PTPRB: variants seen among roughly 807,000 people sequenced by gnomAD.
PTPRB encodes the protein protein tyrosine phosphatase receptor type B.
PTPRB carries 97 observed loss-of-function variants against 238.1 expected under a neutral mutation model. The ratio of observed to expected loss-of-function variants is 0.41; its 90% CI spans 0.35 to 0.48. The LOEUF (loss-of-function observed/expected upper bound fraction) is 0.48, where lower values mean the gene tolerates loss of function less well. PTPRB is among the 20% of genes least tolerant of loss of function. The pLI is 0.30. For missense variants in PTPRB, 2,292 were observed against 2,681.9 expected (o/e 0.85, Z 3.21); for synonymous variants, 970 against 995.4 (o/e 0.97, Z 0.48).
At chr12:70,625,390 T>C (rs150089334) in intron 2 of PTPRB, among the ~76,000 whole-genome samples, 1 of 152,134 alleles carries the variant, frequency 6.6e-6, no homozygotes, top group Non-Finnish European at 1.5e-5. Context: ...TTATAACAAG[T>C]TTCTCAGGTG....
intron 4 of PTPRB, among the ~76,000 whole-genome samples, chr12:70,605,451 C>T (rs745904935): frequency 1.3e-4 from 20 of 152,184 alleles, no homozygotes; most frequent in Admixed American, 4.6e-4. Context: ...ATTTACGGAA[C>T]ACCTACCATG....
chr12:70,556,025 T>C lies in PTPRB; in HGVS notation c.4838A>G (p.Gln1613Arg). 1 of 1,613,980 alleles carries C rather than the reference T, an allele frequency of 6.2e-7. No homozygotes were observed. The highest frequency in any genetic ancestry group is 8.5e-7 in the Non-Finnish European group (1 of 1,179,876). Residue 1613 changes from glutamine (Q) to arginine (R), a missense_variant, in exon 19 of 34, where the codon CAA becomes CGA. Gln to Arg is a conservative substitution (Grantham distance 43). Coordinates refer to ENST00000334414, the MANE Select transcript of PTPRB (RefSeq NM_001109754.4). Reference sequence around the variant, plus strand: ...CAGCTTTCTGGAAAACTCAACTTCTTGGGTGTCCATTTTCCGGCATTCAAT... The same window carrying C: ...CAGCTTTCTGGAAAACTCAACTTCTCGGGTGTCCATTTTCCGGCATTCAAT... ...YSIECRKMDT[Q>R]EVEFSRKLEK...
In PTPRB at chr12:70,516,799, A is replaced by G. The variant is rs1162755895; in HGVS notation, c.*4690T>C. ...GTGAATTGGCATAGAGGTTATAAAA[A>G]TAATCTTTGGTAAACCTGTTAATCT... On this transcript the variant is annotated 3_prime_UTR_variant, in exon 34 of 34. Transcript: ENST00000334414. 1.3e-5 allele frequency: 2 copies of G among 152,214 alleles called. No individual in the cohort carries two copies. The highest frequency in any genetic ancestry group is 2.9e-5 in the Non-Finnish European group (2 of 68,042). 9.4% of individuals were successfully genotyped at this position (152,214 alleles called of 1,614,324 possible). A position where few individuals can be genotyped will look rare whatever the true frequency, so the allele number is the denominator to read the frequency against.
At chr12:70,586,946 T>C (rs1565980621) in intron 9 of PTPRB, 61 bp downstream of exon 9, 4 of 1,485,244 alleles carry the variant, frequency 2.7e-6, no homozygotes, top group Middle Eastern at 2.4e-4. Flanking sequence ...GTAAATTGCA[T>C]GTTAAATAGT....
chr12:70,624,318 G>A (rs1182775435), intron 2 of PTPRB, among the ~76,000 whole-genome samples: 1 of 151,876 alleles, frequency 6.6e-6, no homozygotes, highest in East Asian at 1.9e-4. Flanking sequence ...ATTATCTGGC[G>A]ATCCTACTTG....
chr12:70,574,349 G>A (rs944097690), intron 11 of PTPRB, among the ~76,000 whole-genome samples: 3 of 152,200 alleles, frequency 2.0e-5, no homozygotes, highest in African/African-American at 7.2e-5. Flanking sequence ...CACAGATATG[G>A]AGCAAGGACA....
chr12:70,637,366 A>G lies in PTPRB; in HGVS notation c.30T>C (p.Leu10=). The change falls in exon 1 of 34, where the codon CTT becomes CTC. Residue 10 remains leucine (L), a synonymous_variant. Transcript: ENST00000334414. The part of the protein sequence containing the change: MEAEFYMVI[L]TCLIFRNSEG... The stretch of plus-strand genomic sequence containing the variant: ...CTGAGTTCCTGAAGATCAAGCAGGT[A>G]AGAATCACCATGTAAAATTCAGCCT... The G allele has an allele frequency of 6.2e-7, 1 of 1,609,384 alleles. No individual in the cohort carries two copies. Among genetic ancestry groups the G allele is most frequent in the Non-Finnish European group, 8.5e-7 (1 of 1,177,968 alleles).
intron 21 of PTPRB, 110 bp downstream of exon 21, chr12:70,552,667 T>TAA: frequency 7.3e-7 from 1 of 1,370,894 alleles, no homozygotes; most frequent in African/African-American, 1.4e-5. Context: ...AGTACTCTTG[T>TAA]AACGTAGGTT....
chr12:70,609,974 C>CGCT (rs1293673670), intron 3 of PTPRB: 5 of 469,510 alleles, frequency 1.1e-5, no homozygotes, highest in African/African-American at 2.1e-5. Flanking sequence ...CTGCGGCCAC[C>CGCT]GCTGCTGCTG....
chr12:70,533,350 A>C lies in PTPRB; in HGVS notation c.6368+1138T>G, dbSNP rs547787002. Among the ~76,000 whole-genome samples, 247 of 152,310 alleles carry C rather than the reference A, an allele frequency of 1.6e-3. 1 individual carries two copies. The highest frequency in any genetic ancestry group is 5.7e-3 in the African/African-American group (238 of 41,582). The stretch of plus-strand genomic sequence containing the variant: ...AGGGCTCCTAGGGTGCTGGGCTGAC[A>C]GGGAGGAGATGAGTACACTTGGCAT... On this transcript the variant is annotated intron_variant, in intron 31 of 33. Transcript: ENST00000334414.
At chr12:70,626,341 A>ATCTG (rs1376421474) in intron 2 of PTPRB, among the ~76,000 whole-genome samples, 1 of 146,680 alleles carries the variant, frequency 6.8e-6, no homozygotes, top group Non-Finnish European at 1.5e-5. Context: ...CTATCTATCT[A>ATCTG]TCTATCTATC....
At chr12:70,585,296 C>G (rs1364027794) in intron 9 of PTPRB, 3 of 152,102 alleles carry the variant, frequency 2.0e-5, no homozygotes, top group Admixed American at 2.0e-4. Flanking sequence ...TCCAATTACA[C>G]TGAAAAAAAT....
rs544537452 is a variant in PTPRB, at chr12:70,608,632, T to C, written c.979+437A>G. ...ATGGCTCCATTCTATTCCTGCAGATTTTATGTACAGTTCTAAAAATAAAAC... is the reference window on the plus strand; with the variant it reads ...ATGGCTCCATTCTATTCCTGCAGATCTTATGTACAGTTCTAAAAATAAAAC... On this transcript the variant is annotated intron_variant, in intron 4 of 33. Transcript: ENST00000334414. 3.0e-3 allele frequency: 491 copies of C among 162,104 alleles called. 6 individuals are homozygous for C. Among genetic ancestry groups the C allele is most frequent in the Middle Eastern group, 9.6e-3 (3 of 312 alleles). The allele number at this position is 162,104 out of a possible 1,614,324, so 10.0% of individuals were successfully genotyped here.
chr12:70,590,295 A>G (rs1882353087), intron 7 of PTPRB, 62 bp from the exon 8 acceptor site: 1 of 1,464,500 alleles, frequency 6.8e-7, no homozygotes, highest in South Asian at 1.4e-5. Flanking sequence ...ATACTCATTT[A>G]CTTTTCTTGG....
rs1884981506 is a variant in PTPRB at position 70,622,432 on chromosome 12, C to G, written c.666G>C (p.Trp222Cys). ...LHMTGITDTS[W>C]VLSTTQPFSS... Reference sequence around the variant, plus strand: ...AGAAGGGCTGAGTAGTCGACAAAACCCATGATGTGTCTGTAATTCCAGTCA... The same window carrying G: ...AGAAGGGCTGAGTAGTCGACAAAACGCATGATGTGTCTGTAATTCCAGTCA... The change falls in exon 3 of 34, where the codon TGG becomes TGC. Residue 222 changes from tryptophan to cysteine, a missense_variant. Trp to Cys is a radical substitution (Grantham distance 215). This residue lies in a region of PTPRB where 1,205 missense variants were observed against 1,287.8 expected (regional missense o/e 0.94). Coordinates refer to ENST00000334414, the MANE Select transcript of PTPRB (RefSeq NM_001109754.4). 2 of 1,612,794 alleles carry G rather than the reference C, an allele frequency of 1.2e-6. No homozygotes were observed. The highest frequency in any genetic ancestry group is 1.7e-6 in the Non-Finnish European group (2 of 1,179,642).
chr12:70,632,524 C>T (rs536826419), intron 2 of PTPRB, among the ~76,000 whole-genome samples: 4 of 151,736 alleles, frequency 2.6e-5, no homozygotes, highest in African/African-American at 7.3e-5. Context: ...ACACGTATAC[C>T]TATGTAACAA....
At chr12:70,593,829 T>G (rs987445606) in intron 6 of PTPRB, among the ~76,000 whole-genome samples, 2 of 152,214 alleles carry the variant, frequency 1.3e-5, no homozygotes, top group Non-Finnish European at 2.9e-5. Context: ...TTAGACTTGC[T>G]AGAAGCATTA....
intron 4 of PTPRB, among the ~76,000 whole-genome samples, chr12:70,608,549 G>C (rs1884153687): frequency 6.6e-6 from 1 of 152,194 alleles, no homozygotes; most frequent in South Asian, 2.1e-4. Flanking sequence ...TTACTCAAGA[G>C]ATACAAAACA....
intron 2 of PTPRB, among the ~76,000 whole-genome samples, chr12:70,625,439 T>C (rs1885129842): frequency 6.6e-6 from 1 of 152,144 alleles, no homozygotes; most frequent in South Asian, 2.1e-4. Flanking sequence ...TTTAGTCATA[T>C]ACATAATATG....
Sources: gnomAD v4.1 joint callset for allele counts (sites outside exome capture counted in the v4.1 genomes callset) on GRCh38, gnomAD v4.1.1 for gene constraint, gnomAD v4.1.1 regional missense constraint, MANE v1.5 for transcripts, NCBI Gene and HGNC (gene_info 2026-07-23, HGNC 2026-07-21) for gene names.